The following PARVA variants were observed in gnomAD, a reference collection of about 807,000 sequenced individuals.
The protein encoded by PARVA is alpha-parvin.
A neutral mutation model predicts 52.6 loss-of-function variants in PARVA; 25 were observed. The ratio of observed to expected loss-of-function variants is 0.48; its 90% CI spans 0.35 to 0.66. PARVA has a LOEUF of 0.66. Ranked by LOEUF, PARVA falls within the 30% of genes least tolerant of loss-of-function variation. PARVA has a pLI of 0.01. For synonymous variants in PARVA, 185 were observed against 179.1 expected, an observed-to-expected ratio of 1.03 and a Z score of -0.26; for missense variants, 373 against 450.9, an observed-to-expected ratio of 0.83 and a Z score of 1.56.
intron 7 of PARVA, among the ~76,000 whole-genome samples, chr11:12,509,886 A>G (rs1941485110): frequency 6.6e-6 from 1 of 152,140 alleles, no homozygotes; most frequent in Admixed American, 6.5e-5. Context: ...CCCCTCCCCT[A>G]TGCTGGGCTT....
intron 12 of PARVA, among the ~76,000 whole-genome samples, chr11:12,523,296 A>G (rs1820709216): frequency 6.6e-6 from 1 of 152,152 alleles, no homozygotes; most frequent in Non-Finnish European, 1.5e-5. Flanking sequence ...GCTGGGGGCT[A>G]GAGCATAAGT....
At chr11:12,410,728 A>G (rs1218693630) in intron 1 of PARVA, among the ~76,000 whole-genome samples, 1 of 152,190 alleles carries the variant, frequency 6.6e-6, no homozygotes, top group Admixed American at 6.5e-5. Flanking sequence ...GTGGAAAACT[A>G]CTGAGGATCC....
intron 1 of PARVA, among the ~76,000 whole-genome samples, chr11:12,462,985 A>G (rs79633604): frequency 0.028 from 4,267 of 152,102 alleles, 215 homozygotes; most frequent in African/African-American, 0.097. Context: ...GGGAGGAAAC[A>G]TTCGTGTCTC....
At chr11:12,469,973 C>T (rs1240632772) in intron 1 of PARVA, among the ~76,000 whole-genome samples, 1 of 152,224 alleles carries the variant, frequency 6.6e-6, no homozygotes, top group African/African-American at 2.4e-5. Flanking sequence ...CAATACCTCT[C>T]CATTTACAAA....
intron 1 of PARVA, among the ~76,000 whole-genome samples, chr11:12,451,865 C>T (rs550236895): frequency 3.9e-4 from 59 of 152,250 alleles, no homozygotes; most frequent in African/African-American, 1.3e-3. Flanking sequence ...TGAAGAATAT[C>T]GCGCTTCTTA....
intron 4 of PARVA, among the ~76,000 whole-genome samples, chr11:12,495,666 CTA>C (rs1260901673): frequency 6.7e-6 from 1 of 149,302 alleles, no homozygotes; most frequent in Non-Finnish European, 1.5e-5. Flanking sequence ...TAAAAAAAAA[CTA>C]TTGATTTTAA....
At chr11:12,443,410 T>G (rs192539461) in intron 1 of PARVA, among the ~76,000 whole-genome samples, 95 of 151,902 alleles carry the variant, frequency 6.3e-4, no homozygotes, top group African/African-American at 2.1e-3. Context: ...GACCTCATGA[T>G]CCGCCCACCT....
At chr11:12,461,138 G>A (rs913402535) in intron 1 of PARVA, among the ~76,000 whole-genome samples, 1 of 152,312 alleles carries the variant, frequency 6.6e-6, no homozygotes, top group Non-Finnish European at 1.5e-5. Context: ...GAACCAACTA[G>A]CTCTGGAAGG....
At chr11:12,411,011 T>TCCTA (rs1451251555) in intron 1 of PARVA, among the ~76,000 whole-genome samples, 3 of 152,154 alleles carry the variant, frequency 2.0e-5, no homozygotes, top group African/African-American at 7.2e-5. Context: ...TTCATGAGGC[T>TCCTA]GTTGTGGAGA....
At position 12,377,827 on chromosome 11, in the gene PARVA, G is replaced by T. The variant is rs1258964272; in HGVS notation, c.136+44G>T. 7 of 1,433,180 alleles carry T rather than the reference G, an allele frequency of 4.9e-6. No homozygotes were observed. In the Admixed American group the frequency reaches 8.7e-5, roughly 18 times the overall value. 88.8% of individuals were successfully genotyped at this position (1,433,180 alleles called of 1,614,324 possible). On this transcript the variant is annotated intron_variant, in intron 1 of 12. Coordinates refer to ENST00000334956, the MANE Select transcript of PARVA (RefSeq NM_018222.5). ...GCCGGGCGGGCGGTAGGAGCCGGGG[G>T]TGCCGTAGGGGCCGAGGGGCCGGGG... is the stretch of plus-strand genomic sequence containing the variant.
intron 1 of PARVA, among the ~76,000 whole-genome samples, chr11:12,405,257 TG>T (rs1259865342): frequency 6.6e-6 from 1 of 152,234 alleles, no homozygotes; most frequent in South Asian, 2.1e-4. Flanking sequence ...AGAAGCATGC[TG>T]TCTTCTTCAG....
In PARVA at chr11:12,396,681, C is replaced by T. The variant is rs911462797; in HGVS notation, c.136+18898C>T. On this transcript the variant is annotated intron_variant, in intron 1 of 12. Coordinates refer to ENST00000334956, the MANE Select transcript of PARVA (RefSeq NM_018222.5). ...TGCCCAAGCTCTATGTCTTTGCTCG[C>T]ATGGAACTTCCTCTTGTTCACAGTA... is the stretch of plus-strand genomic sequence containing the variant. 2.0e-5 allele frequency among the ~76,000 whole-genome samples: 3 copies of T among 152,352 alleles called. No homozygotes were observed. The South Asian group carries it at 6.2e-4, about 32-fold the overall frequency.
intron 12 of PARVA, among the ~76,000 whole-genome samples, chr11:12,523,071 A>G (rs1233339216): frequency 6.6e-6 from 1 of 152,080 alleles, no homozygotes; most frequent in Admixed American, 6.6e-5. Context: ...TATATGTTGC[A>G]TGGGTTTTTT....
Position 12,504,327 on chromosome 11 carries a change from G to C in PARVA, c.555G>C (p.Lys185Asn), listed in dbSNP as rs756989956. 6.2e-7 allele frequency: 1 copy of C among 1,608,500 alleles called. No homozygotes were observed. The highest frequency in any genetic ancestry group is 1.3e-5 in the African/African-American group (1 of 74,806). The stretch of plus-strand genomic sequence containing the variant: ...CTTTCATTTCAGCTGTTCATGCCAA[G>C]AGCCTGGTGGCCATCTTACACCTGC... ...IKWNVDSVHAKSLVAILHLLV... is the reference protein window; with the variant it reads ...IKWNVDSVHANSLVAILHLLV... The change falls in exon 6 of 13, where the codon AAG (lysine) becomes AAC (asparagine). Residue 185 changes from lysine to asparagine, a missense_variant. Transcript: ENST00000334956.
intron 12 of PARVA, among the ~76,000 whole-genome samples, chr11:12,525,622 C>T (rs1031252850): frequency 1.3e-5 from 2 of 152,130 alleles, no homozygotes; most frequent in Non-Finnish European, 2.9e-5. Flanking sequence ...GCCTAGAGGG[C>T]ATGGGATTCC....
Position 12,528,892 on chromosome 11 carries a change from C to T in PARVA, c.*967C>T, listed in dbSNP as rs565379530. On this transcript the variant is annotated 3_prime_UTR_variant, in exon 13 of 13. Coordinates refer to ENST00000334956, the MANE Select transcript of PARVA (RefSeq NM_018222.5). ...TTTGTTTAGAATTAATGGAGTGGCA[C>T]ATTTTGCAGCCTTTTTGCTTGATTG... is the stretch of plus-strand genomic sequence containing the variant. 2 of 152,746 alleles carry T rather than the reference C, an allele frequency of 1.3e-5. No homozygotes were observed. Among genetic ancestry groups the T allele is most frequent in the East Asian group, 3.9e-4 (2 of 5,184 alleles). The allele number at this position is 152,746 out of a possible 1,614,324, so 9.5% of individuals were successfully genotyped here.
At chr11:12,390,161 A>G (rs1939636693) in intron 1 of PARVA, among the ~76,000 whole-genome samples, 1 of 152,216 alleles carries the variant, frequency 6.6e-6, no homozygotes, top group Admixed American at 6.5e-5. Context: ...CTTTCCAGGA[A>G]ACATTCATAG....
chr11:12,407,312 C>T (rs897501501), intron 1 of PARVA, among the ~76,000 whole-genome samples: 11 of 152,056 alleles, frequency 7.2e-5, no homozygotes, highest in African/African-American at 2.2e-4. Flanking sequence ...TTCTACCTTG[C>T]GTGCCTTCAG....
At chr11:12,457,835 G>C (rs1426885471) in intron 1 of PARVA, among the ~76,000 whole-genome samples, 1 of 152,070 alleles carries the variant, frequency 6.6e-6, no homozygotes, top group Non-Finnish European at 1.5e-5. Context: ...TGAGATAGAA[G>C]AGTAGAGATC....
Sources: gnomAD v4.1 joint callset for allele counts (sites outside exome capture counted in the v4.1 genomes callset) on GRCh38, gnomAD v4.1.1 for gene constraint, MANE v1.5 for transcripts, NCBI Gene and HGNC (gene_info 2026-07-23, HGNC 2026-07-21) for gene names.